The following MAPK10 variants were observed in gnomAD, a reference collection of about 807,000 sequenced individuals.
MAPK10 encodes mitogen-activated protein kinase 10.
Under a neutral mutation model 59.3 loss-of-function variants are expected in MAPK10, and 25 were observed. The observed-to-expected ratio is 0.42, with a 90% CI of 0.31 to 0.59. MAPK10 has a LOEUF of 0.59. Ranked by LOEUF, MAPK10 falls within the 20% of genes least tolerant of loss-of-function variation. The probability of loss-of-function intolerance (pLI) is 0.15; values close to 1 mark genes in which losing one functional copy is unlikely to be tolerated. For missense variants in MAPK10, 351 were observed against 568.9 expected (o/e 0.62, Z 3.90); for synonymous variants, 190 against 200.5 (o/e 0.95, Z 0.44).
chr4:86,077,100 TAG>T (rs1457139355), intron 9 of MAPK10, among the ~76,000 whole-genome samples: 1 of 152,126 alleles, frequency 6.6e-6, no homozygotes, highest in African/African-American at 2.4e-5. Context: ...TACATAAAAG[TAG>T]AGTTATATTG....
At chr4:86,373,868 C>T (rs552360019) in intron 1 of MAPK10, among the ~76,000 whole-genome samples, 1 of 152,176 alleles carries the variant, frequency 6.6e-6, no homozygotes, top group East Asian at 1.9e-4. Context: ...GGATCTAGAA[C>T]CAGAAATACC....
intron 1 of MAPK10, among the ~76,000 whole-genome samples, chr4:86,375,449 A>C (rs558938143): frequency 6.6e-6 from 1 of 152,172 alleles, no homozygotes; most frequent in East Asian, 1.9e-4. Context: ...GGCCAGGTGC[A>C]GTGGCTCACA....
At chr4:86,228,009 G>A (rs1297219141) in intron 2 of MAPK10, among the ~76,000 whole-genome samples, 1 of 152,056 alleles carries the variant, frequency 6.6e-6, no homozygotes, top group East Asian at 1.9e-4. Flanking sequence ...GTCAGGAGGT[G>A]AGACGAAAGA....
intron 2 of MAPK10, among the ~76,000 whole-genome samples, chr4:86,232,680 A>C (rs902276240): frequency 6.6e-6 from 1 of 152,152 alleles, no homozygotes; most frequent in African/African-American, 2.4e-5. Flanking sequence ...GCCTAGAGTC[A>C]ATTTTTTCTG....
intron 4 of MAPK10, among the ~76,000 whole-genome samples, chr4:86,123,459 T>C (rs976127446): frequency 2.0e-5 from 3 of 152,082 alleles, no homozygotes; most frequent in African/African-American, 7.2e-5. Flanking sequence ...TTTTAGTTTT[T>C]TGAGGAACTG....
intron 1 of MAPK10, among the ~76,000 whole-genome samples, chr4:86,375,713 TAAAAAAAAAAA>T (rs56189009): frequency 1.8e-4 from 6 of 33,330 alleles, no homozygotes; most frequent in Admixed American, 1.1e-3. Flanking sequence ...AGGTCCACTC[TAAAAAAAAAAA>T]AAAAAAAAAA....
intron 1 of MAPK10, among the ~76,000 whole-genome samples, chr4:86,408,378 T>C (rs1032143730): frequency 1.3e-5 from 2 of 152,162 alleles, no homozygotes; most frequent in Non-Finnish European, 2.9e-5. Context: ...CACATGTCTT[T>C]ATAGTAGCAT....
intron 11 of MAPK10, among the ~76,000 whole-genome samples, chr4:86,039,633 C>A (rs1231098436): frequency 6.6e-6 from 1 of 152,198 alleles, no homozygotes; most frequent in Non-Finnish European, 1.5e-5. Flanking sequence ...ACTGGGCTGT[C>A]CCCTATAATC....
intron 2 of MAPK10, among the ~76,000 whole-genome samples, chr4:86,292,935 A>G (rs2095266505): frequency 6.6e-6 from 1 of 152,152 alleles, no homozygotes. Context: ...CCCTCCTCTT[A>G]TGAGAAAGGT....
At chr4:86,242,536 C>T (rs530779935) in intron 2 of MAPK10, among the ~76,000 whole-genome samples, 1 of 152,328 alleles carries the variant, frequency 6.6e-6, no homozygotes, top group African/African-American at 2.4e-5. Context: ...GTCCCTGAGC[C>T]TCTGGCTGGA....
At chr4:86,157,779 GT>G (rs550374235) in intron 4 of MAPK10, among the ~76,000 whole-genome samples, 50 of 144,128 alleles carry the variant, frequency 3.5e-4, no homozygotes, top group Non-Finnish European at 6.3e-4. Flanking sequence ...TCAAATCTTT[GT>G]GATAATCTGT....
intron 2 of MAPK10, among the ~76,000 whole-genome samples, chr4:86,281,567 G>C (rs574257193): frequency 6.6e-6 from 1 of 151,910 alleles, no homozygotes; most frequent in East Asian, 1.9e-4. Context: ...TAGAAGAGCA[G>C]TGTCCTTAAG....
At chr4:86,562,746 C>A (rs1247809576) in intron 1 of MAPK10, among the ~76,000 whole-genome samples, 1 of 152,096 alleles carries the variant, frequency 6.6e-6, no homozygotes, top group Non-Finnish European at 1.5e-5. Flanking sequence ...TATCCCCACA[C>A]ATACTGTAAG....
intron 4 of MAPK10, among the ~76,000 whole-genome samples, chr4:86,128,535 T>C (rs530526829): frequency 4.1e-4 from 63 of 152,242 alleles, no homozygotes; most frequent in Non-Finnish European, 5.9e-4. Context: ...CCTTCTGCCA[T>C]GATTGTAATT....
chr4:86,264,669 T>C (rs931216550), intron 2 of MAPK10, among the ~76,000 whole-genome samples: 1 of 152,114 alleles, frequency 6.6e-6, no homozygotes, highest in African/African-American at 2.4e-5. Flanking sequence ...GTGAGATTTG[T>C]TTTTGTTTTT....
At chr4:86,064,430 A>T in intron 10 of MAPK10, 40 bp from the exon 11 acceptor site, 1 of 1,607,756 alleles carries the variant, frequency 6.2e-7, no homozygotes, top group Non-Finnish European at 8.5e-7. Flanking sequence ...TAAGATTTTG[A>T]TTTCAGTAAG....
chr4:86,481,182 A>G (rs1753579282), intron 1 of MAPK10, among the ~76,000 whole-genome samples: 1 of 152,194 alleles, frequency 6.6e-6, no homozygotes, highest in African/African-American at 2.4e-5. Context: ...CTTTGGAGGA[A>G]AGAAGTTCTG....
chr4:86,444,234 A>C (rs1328623719), intron 1 of MAPK10, among the ~76,000 whole-genome samples: 1 of 152,156 alleles, frequency 6.6e-6, no homozygotes, highest in Non-Finnish European at 1.5e-5. Context: ...GAAGCTCAGA[A>C]AATACCAGGC....
intron 2 of MAPK10, among the ~76,000 whole-genome samples, chr4:86,308,973 G>A (rs993107490): frequency 1.3e-5 from 2 of 151,834 alleles, no homozygotes; most frequent in Non-Finnish European, 2.9e-5. Flanking sequence ...AATAGCTCCT[G>A]GCACATAGTC....
Sources: gnomAD v4.1 joint callset for allele counts (sites outside exome capture counted in the v4.1 genomes callset) on GRCh38, gnomAD v4.1.1 for gene constraint, MANE v1.5 for transcripts, NCBI Gene and HGNC (gene_info 2026-07-23, HGNC 2026-07-21) for gene names.